COL28A1: variants seen among roughly 807,000 people sequenced by gnomAD.
The protein encoded by COL28A1 is collagen alpha-1(XXVIII) chain.
Under a neutral mutation model 150.2 loss-of-function variants are expected in COL28A1, and 161 were observed. The ratio of observed to expected loss-of-function variants is 1.07; its 90% confidence interval spans 0.94 to 1.22. The LOEUF is 1.22. COL28A1 is among the 50% of genes most tolerant of loss of function. COL28A1 has a pLI of 0.00. For missense variants in COL28A1, 1,617 were observed against 1,388.3 expected, an observed-to-expected ratio of 1.16 and a Z score of -2.62; for synonymous variants, 552 against 469.7, an observed-to-expected ratio of 1.18 and a Z score of -2.26.
intron 27 of COL28A1, among the ~76,000 whole-genome samples, chr7:7,393,606 T>A (rs1434024434): frequency 9.3e-5 from 2 of 21,400 alleles, no homozygotes; most frequent in Non-Finnish European, 1.7e-4. Flanking sequence ...GTTTTATCTA[T>A]AAGCCCCTTG....
chr7:7,345,921 ATC>A, the COL28A1 span, among the ~76,000 whole-genome samples: 3 of 152,030 alleles, frequency 2.0e-5, no homozygotes, highest in African/African-American at 7.2e-5. Flanking sequence ...ATTTGAGATT[ATC>A]TCTCTGTTTT....
chr7:7,524,070 A>G (rs563042086), intron 4 of COL28A1, among the ~76,000 whole-genome samples, 159 bp downstream of exon 4: 1 of 152,348 alleles, frequency 6.6e-6, no homozygotes, highest in African/African-American at 2.4e-5. Flanking sequence ...TGGTAGTATA[A>G]AAGAAATCAG....
Position 7,360,419 on chromosome 7 carries a change from A to G in COL28A1, c.3176T>C (p.Leu1059Pro). 6.2e-7 allele frequency: 1 copy of G among 1,604,808 alleles called. No homozygotes were observed. The highest frequency in any genetic ancestry group is 1.1e-5 in the South Asian group (1 of 89,104). ...SSEATTTPRPLLSTPVDGAED... is the reference protein window; with the variant it reads ...SSEATTTPRPPLSTPVDGAED... ...TGCCCCATCCACAGGGGTGCTGAGCAGTGGCCTGGGGGTGGTGGTGGCCTC... is the reference window on the plus strand; with the variant it reads ...TGCCCCATCCACAGGGGTGCTGAGCGGTGGCCTGGGGGTGGTGGTGGCCTC... The change falls in exon 34 of 35, where the codon CTG becomes CCG. Residue 1059 changes from leucine to proline, a missense_variant. Transcript: ENST00000399429.
chr7:7,477,798 C>T (rs908235372), intron 13 of COL28A1, among the ~76,000 whole-genome samples: 2 of 152,192 alleles, frequency 1.3e-5, no homozygotes, highest in East Asian at 3.9e-4. Flanking sequence ...GTTGCCTCTG[C>T]TGGCTAGGGC....
At chr7:7,374,747 TAG>T (rs1428234934) in intron 31 of COL28A1, among the ~76,000 whole-genome samples, 1 of 152,158 alleles carries the variant, frequency 6.6e-6, no homozygotes, top group Non-Finnish European at 1.5e-5. Context: ...GGTCTCTCAC[TAG>T]AGAGACTCCC....
At chr7:7,346,553 A>G in the COL28A1 span, among the ~76,000 whole-genome samples, 1 of 152,068 alleles carries the variant, frequency 6.6e-6, no homozygotes, top group Non-Finnish European at 1.5e-5. Flanking sequence ...GAAAACATAC[A>G]GAAAATACCA....
chr7:7,351,748 T>A (rs1780234464), downstream of COL28A1, among the ~76,000 whole-genome samples: 1 of 151,922 alleles, frequency 6.6e-6, no homozygotes, highest in Non-Finnish European at 1.5e-5. Flanking sequence ...CAAAATGTCA[T>A]GTGTGTGTGT....
intron 16 of COL28A1, among the ~76,000 whole-genome samples, chr7:7,455,074 CAAT>C (rs1562707721): frequency 6.6e-6 from 1 of 152,162 alleles, no homozygotes; most frequent in Non-Finnish European, 1.5e-5. Flanking sequence ...TAAATCTCAA[CAAT>C]GACACCGGAA....
chr7:7,420,667 C>T (rs2128308500), intron 25 of COL28A1, among the ~76,000 whole-genome samples: 1 of 152,314 alleles, frequency 6.6e-6, no homozygotes, highest in African/African-American at 2.4e-5. Flanking sequence ...CTTCTCTGAA[C>T]CTCGGTAAAT....
chr7:7,489,563 A>G, intron 12 of COL28A1, 106 bp from the exon 13 acceptor site: 2 of 721,536 alleles, frequency 2.8e-6, no homozygotes, highest in South Asian at 3.6e-5. Context: ...CGAAATAGAC[A>G]AAATGTTGGT....
Position 7,519,871 on chromosome 7 carries a change from C to G in COL28A1, c.813+191G>C, listed in dbSNP as rs1050490326. ...CTGACTAAAATGTTCATATATGTTA[C>G]TCAGAATTTGTGAATTCAAGCTAAT... On this transcript the variant is annotated intron_variant, in intron 6 of 34. Coordinates refer to ENST00000399429, the MANE Select transcript of COL28A1 (RefSeq NM_001037763.3). Among the ~76,000 whole-genome samples the G allele has an allele frequency of 3.3e-5, 5 of 152,054 alleles. No individual in the cohort carries two copies. The East Asian group carries it at 9.6e-4, about 29-fold the overall frequency.
At chr7:7,462,515 T>C (rs898255379) in intron 15 of COL28A1, among the ~76,000 whole-genome samples, 1 of 145,270 alleles carries the variant, frequency 6.9e-6, no homozygotes, top group African/African-American at 2.9e-5. Flanking sequence ...TTCAATGAAA[T>C]AGATAGCATA....
chr7:7,531,460 AG>A lies in COL28A1; in HGVS notation c.568del (p.Leu190PhefsTer4). ...ISGISFITIA[L>X]STVVNEAKLR... is the part of the protein sequence containing the mutation. ...TTTGGCTTCATTGACTACCGTAGAAAGTGCAATGGTGATAAATGATATTCCT... is the reference window on the plus strand; with the variant it reads ...TTTGGCTTCATTGACTACCGTAGAAATGCAATGGTGATAAATGATATTCCT... On this transcript the variant is annotated frameshift_variant, in exon 3 of 35. Coordinates refer to ENST00000399429, the MANE Select transcript of COL28A1 (RefSeq NM_001037763.3). LOFTEE classifies it high-confidence loss of function. The A allele has an allele frequency of 6.3e-7, 1 of 1,597,288 alleles. No individual in the cohort carries two copies. The highest frequency in any genetic ancestry group is 1.3e-5 in the African/African-American group (1 of 74,742).
the COL28A1 span, among the ~76,000 whole-genome samples, chr7:7,350,655 C>CTT: frequency 1.8e-4 from 21 of 115,092 alleles, no homozygotes; most frequent in African/African-American, 4.7e-4. Flanking sequence ...GTTTTCTTTC[C>CTT]TTTTTTTTTT....
intron 9 of COL28A1, among the ~76,000 whole-genome samples, chr7:7,508,068 T>C (rs1171515919): frequency 6.6e-6 from 1 of 151,924 alleles, no homozygotes; most frequent in Non-Finnish European, 1.5e-5. Flanking sequence ...CTGTCTCTAC[T>C]AAAAATACAA....
chr7:7,502,574 G>A (rs1344177134), intron 11 of COL28A1, among the ~76,000 whole-genome samples: 1 of 152,044 alleles, frequency 6.6e-6, no homozygotes, highest in Non-Finnish European at 1.5e-5. Context: ...ACCTCTCGTG[G>A]AATCTTTGCA....
In COL28A1 at chr7:7,477,149, T is replaced by A. The variant is rs147068174; in HGVS notation, c.1196A>T (p.Glu399Val). Residue 399 changes from glutamate (E) to valine (V), a missense_variant, in exon 14 of 35, where the codon GAG (glutamate) becomes GTG (valine). Physicochemically the swap from Glu to Val is moderately radical, Grantham distance 121. Transcript: ENST00000399429. ...GPRGPEGVPG[E>V]RGLPGEGFPG... is the part of the protein sequence containing the mutation. ...AAATCCTTCTCCGGGTAAGCCCCTCTCTCCTGGTACTCCCTCAGGACCACG... is the reference window on the plus strand; with the variant it reads ...AAATCCTTCTCCGGGTAAGCCCCTCACTCCTGGTACTCCCTCAGGACCACG... 75 of 1,344,906 alleles carry A rather than the reference T, an allele frequency of 5.6e-5. No homozygotes were observed. The highest frequency in any genetic ancestry group is 7.6e-5 in the Non-Finnish European group (71 of 933,918). The allele number at this position is 1,344,906 out of a possible 1,614,324, so 83.3% of individuals were successfully genotyped here.
the COL28A1 span, among the ~76,000 whole-genome samples, chr7:7,341,378 CATT>C: frequency 2.0e-5 from 3 of 151,882 alleles, no homozygotes; most frequent in Non-Finnish European, 4.4e-5. Flanking sequence ...TTTATCATCT[CATT>C]ATTTTCTTTT....
chr7:7,384,900 T>C (rs1782091888), intron 27 of COL28A1, among the ~76,000 whole-genome samples: 1 of 152,122 alleles, frequency 6.6e-6, no homozygotes, highest in Non-Finnish European at 1.5e-5. Flanking sequence ...AACATAGGTG[T>C]CATGAAGATG....
Sources: gnomAD v4.1 joint callset for allele counts (sites outside exome capture counted in the v4.1 genomes callset) on GRCh38, gnomAD v4.1.1 for gene constraint, MANE v1.5 for transcripts, NCBI Gene and HGNC (gene_info 2026-07-23, HGNC 2026-07-21) for gene names.